Variants in PCDHGB3 observed in about 807,000 individuals in gnomAD.
PCDHGB3 encodes the protein protocadherin gamma-B3.
PCDHGB3 carries 40 observed loss-of-function variants against 59.2 expected under a neutral mutation model. The observed-to-expected ratio is 0.68, with a 90% CI of 0.52 to 0.88. PCDHGB3 has a LOEUF of 0.88. PCDHGB3 is among the 40% of genes least tolerant of loss of function. PCDHGB3 has a pLI of 0.00. For synonymous variants in PCDHGB3, 581 were observed against 503.6 expected, an observed-to-expected ratio of 1.15 and a Z score of -2.06; for missense variants, 1,309 against 1,187.9, an observed-to-expected ratio of 1.10 and a Z score of -1.50.
chr5:141,399,097 G>GT (rs1217179640), intron 1 of PCDHGB3: 2 of 1,613,816 alleles, frequency 1.2e-6, no homozygotes, highest in Admixed American at 3.3e-5. Flanking sequence ...TGGTGGACTG[G>GT]TTGCACAATG....
chr5:141,421,910 C>G, intron 1 of PCDHGB3: 1 of 1,613,716 alleles, frequency 6.2e-7, no homozygotes, highest in Non-Finnish European at 8.5e-7. Flanking sequence ...GGCGCAGTTC[C>G]CATTCGTGTG....
rs115607451 is a variant in PCDHGB3, at chr5:141,508,636, A to C, written c.2564-2311A>C. Among the ~76,000 whole-genome samples, 998 of 151,746 alleles carry C rather than the reference A, an allele frequency of 6.6e-3. 12 individuals are homozygous for C. The highest frequency in any genetic ancestry group is 0.023 in the African/African-American group (958 of 41,372). ...ACGTGGGTGGGCCGAGCTTCTAGCT[A>C]CTCCGTCAGGCCCTTCCTGTCATTC... On this transcript the variant is annotated intron_variant, in intron 3 of 3. Transcript: ENST00000576222.
chr5:141,371,840 A>T lies in PCDHGB3; in HGVS notation c.1446A>T (p.Gly482=). The T allele has an allele frequency of 6.2e-7, 1 of 1,613,642 alleles. No homozygotes were observed. The highest frequency in any genetic ancestry group is 1.3e-5 in the African/African-American group (1 of 75,040). Residue 482 remains glycine (G), a synonymous_variant, in exon 1 of 4, where the codon GGA becomes GGT. Coordinates refer to ENST00000576222, the MANE Select transcript of PCDHGB3 (RefSeq NM_018924.5). ...AHVRASDPDL[G]PNGLVSYYIV... is the part of the protein sequence containing the mutation. ...TCAGAGCCTCGGATCCCGACTTGGG[A>T]CCTAATGGCCTTGTCTCCTACTACA...
At chr5:141,426,442 G>A (rs1205822455) in intron 1 of PCDHGB3, 9 of 306,752 alleles carry the variant, frequency 2.9e-5, no homozygotes, top group African/African-American at 4.3e-5. Context: ...CCTTGCGGAG[G>A]ACATGCGGCT....
In PCDHGB3 at chr5:141,371,690, C is replaced by G. The variant is rs778571401; in HGVS notation, c.1296C>G (p.Leu432=). Residue 432 remains leucine (L), a synonymous_variant, in exon 1 of 4, where the codon CTC becomes CTG. Transcript: ENST00000576222. ...ITATDKGNPP[L]SSSKTITLHI... ...CTACCGACAAAGGCAATCCACCGCT[C>G]TCCTCCAGCAAGACCATCACTCTGC... is the stretch of plus-strand genomic sequence containing the variant. 6.2e-7 allele frequency: 1 copy of G among 1,614,078 alleles called. No homozygotes were observed. The highest frequency in any genetic ancestry group is 1.1e-5 in the South Asian group (1 of 91,088).
chr5:141,375,189 T>A, intron 1 of PCDHGB3: 1 of 1,613,998 alleles, frequency 6.2e-7, no homozygotes, highest in Non-Finnish European at 8.5e-7. Context: ...ATCGCCCTTT[T>A]TCAAGTGTTC....
chr5:141,400,717 G>C (rs2094065619), intron 1 of PCDHGB3: 1 of 672,320 alleles, frequency 1.5e-6, no homozygotes. Context: ...TAGCCTTATA[G>C]ATTTACAAAG....
chr5:141,409,831 C>T (rs1015263434), intron 1 of PCDHGB3: 2 of 1,611,128 alleles, frequency 1.2e-6, no homozygotes, highest in Non-Finnish European at 1.7e-6. Flanking sequence ...CCACGCTCAG[C>T]GCCAACGTGA....
At chr5:141,460,177 T>C (rs1021646181) in intron 1 of PCDHGB3, among the ~76,000 whole-genome samples, 13 of 152,138 alleles carry the variant, frequency 8.5e-5, no homozygotes, top group African/African-American at 3.1e-4. Context: ...TTGTGGATAT[T>C]TTATCCCAGA....
At position 141,486,121 on chromosome 5, in the gene PCDHGB3, T is replaced by C. The variant is rs371827617; in HGVS notation, c.2416-8686T>C. 5.6e-6 allele frequency: 9 copies of C among 1,614,086 alleles called. No individual in the cohort carries two copies. The highest frequency in any genetic ancestry group is 2.2e-5 in the South Asian group (2 of 91,082). ...TAGACTTTGAGAGTGAGAATTACTATGAATTTGATGTGCGGGCTCGCGATG... is the reference window on the plus strand; with the variant it reads ...TAGACTTTGAGAGTGAGAATTACTACGAATTTGATGTGCGGGCTCGCGATG... On this transcript the variant is annotated intron_variant, in intron 1 of 3. Coordinates refer to ENST00000576222, the MANE Select transcript of PCDHGB3 (RefSeq NM_018924.5). This position sits in a 1 kb window ranked among gnomAD's most constrained non-coding sequence, Gnocchi z 5.0.
rs752720166 is a variant in PCDHGB3, at chr5:141,419,978, G to C, written c.2415+47169G>C. 1.9e-6 allele frequency: 3 copies of C among 1,614,076 alleles called. No homozygotes were observed. In the South Asian group the frequency reaches 3.3e-5, roughly 18 times the overall value. On this transcript the variant is annotated intron_variant, in intron 1 of 3. Transcript: ENST00000576222. Reference sequence around the variant, plus strand: ...GATTTCTGTGCTCTTTCTCCTCGCGGTGATTCTAGCTATTGCTCTACGCCT... The same window carrying C: ...GATTTCTGTGCTCTTTCTCCTCGCGCTGATTCTAGCTATTGCTCTACGCCT...
At chr5:141,474,756 T>C (rs2099354156) in intron 1 of PCDHGB3, among the ~76,000 whole-genome samples, 1 of 152,244 alleles carries the variant, frequency 6.6e-6, no homozygotes, top group Non-Finnish European at 1.5e-5. Flanking sequence ...AAGACAAATA[T>C]ACAGAAATAG....
At chr5:141,502,234 C>T (rs1482411915) in intron 2 of PCDHGB3, among the ~76,000 whole-genome samples, 1 of 152,108 alleles carries the variant, frequency 6.6e-6, no homozygotes, top group Non-Finnish European at 1.5e-5. Flanking sequence ...TCTGTGTGTT[C>T]TTTTATCCTT....
intron 1 of PCDHGB3, chr5:141,385,306 A>T (rs1479708640): frequency 8.7e-6 from 14 of 1,612,618 alleles, no homozygotes; most frequent in Non-Finnish European, 1.2e-5. Context: ...ATGTAAAGAA[A>T]ACCTGCCAAG....
At chr5:141,407,415 A>C (rs1561707597) in intron 1 of PCDHGB3, among the ~76,000 whole-genome samples, 1 of 152,228 alleles carries the variant, frequency 6.6e-6, no homozygotes, top group Non-Finnish European at 1.5e-5. Flanking sequence ...TCGATACCAC[A>C]AAAATGTCTC....
At chr5:141,393,248 C>T (rs1242966092) in intron 1 of PCDHGB3, 2 of 1,613,798 alleles carry the variant, frequency 1.2e-6, no homozygotes, top group Middle Eastern at 1.7e-4. Context: ...TTAACGAAAT[C>T]GCGGTTCCTG....
Position 141,384,065 on chromosome 5 carries a change from A to G in PCDHGB3, c.2415+11256A>G, listed in dbSNP as rs1209284047. ...GAGGTGACCTGCACCATTCCAGAAAACCTACCTTTTAAATTAGAAAAATCA... is the reference window on the plus strand; with the variant it reads ...GAGGTGACCTGCACCATTCCAGAAAGCCTACCTTTTAAATTAGAAAAATCA... On this transcript the variant is annotated intron_variant, in intron 1 of 3. Transcript: ENST00000576222. 2 of 1,607,382 alleles carry G rather than the reference A, an allele frequency of 1.2e-6. No individual in the cohort carries two copies. The highest frequency in any genetic ancestry group is 1.7e-5 in the Admixed American group (1 of 58,998).
At chr5:141,411,880 A>G (rs1030232942) in intron 1 of PCDHGB3, 2 of 152,240 alleles carry the variant, frequency 1.3e-5, no homozygotes, top group African/African-American at 4.8e-5. Flanking sequence ...GACATTTCTA[A>G]GAAATAAATG....
intron 1 of PCDHGB3, chr5:141,377,949 A>G (rs1774488021): frequency 6.6e-6 from 1 of 152,208 alleles, no homozygotes; most frequent in Non-Finnish European, 1.5e-5. Context: ...TAGAGTGTGT[A>G]TCCAGGGCAA....
Sources: gnomAD v4.1 joint callset for allele counts (sites outside exome capture counted in the v4.1 genomes callset) on GRCh38, gnomAD v4.1.1 for gene constraint, Gnocchi (gnomAD v3.1) non-coding constraint, MANE v1.5 for transcripts, NCBI Gene and HGNC (gene_info 2026-07-23, HGNC 2026-07-21) for gene names.